The following PLCXD3 variants were observed in gnomAD, a reference collection of about 807,000 sequenced individuals.
The protein encoded by PLCXD3 is PI-PLC X domain-containing protein 3.
In PLCXD3, 19 loss-of-function variants were observed where a neutral mutation model predicts 25.5. The observed-to-expected ratio is 0.75, with a 90% CI of 0.52 to 1.09. The LOEUF is 1.09. Ranked by LOEUF, PLCXD3 falls within the 50% of genes least tolerant of loss-of-function variation. The pLI is 0.00. For missense variants in PLCXD3, 411 were observed against 388.1 expected, an observed-to-expected ratio of 1.06 and a Z score of -0.50; for synonymous variants, 174 against 137.6, an observed-to-expected ratio of 1.26 and a Z score of -1.85.
chr5:41,436,940 C>T (rs1747268580), intron 1 of PLCXD3, among the ~76,000 whole-genome samples: 1 of 151,940 alleles, frequency 6.6e-6, no homozygotes. Flanking sequence ...ATGAAAGTAC[C>T]CCCTTCATTC....
chr5:41,427,535 T>C (rs1485395458), intron 1 of PLCXD3, among the ~76,000 whole-genome samples: 1 of 152,226 alleles, frequency 6.6e-6, no homozygotes, highest in East Asian at 1.9e-4. Flanking sequence ...TATGTGAATG[T>C]CTGTATTAGA....
Position 41,510,586 on chromosome 5 carries a change from CTG to C in PLCXD3, c.-62_-61del. ...ACTCCTCGGGCAGGCTGGCAGGCTG[CTG>C]CCGCTAATCCAATGTTTGCTCTAGC... On this transcript the variant is annotated 5_prime_UTR_variant, in exon 1 of 3. Transcript: ENST00000377801. 4 of 1,359,076 alleles carry C rather than the reference CTG, an allele frequency of 2.9e-6. No individual in the cohort carries two copies. The highest frequency in any genetic ancestry group is 4.2e-6 in the Non-Finnish European group (4 of 963,430). 84.2% of individuals were successfully genotyped at this position (1,359,076 alleles called of 1,614,324 possible).
At chr5:41,349,875 A>C (rs1042462998) in intron 2 of PLCXD3, among the ~76,000 whole-genome samples, 1 of 152,002 alleles carries the variant, frequency 6.6e-6, no homozygotes, top group Admixed American at 6.6e-5. Flanking sequence ...CTGTACCCAT[A>C]AATTCCCAAA....
intron 1 of PLCXD3, among the ~76,000 whole-genome samples, chr5:41,494,904 G>A (rs1748801361): frequency 6.6e-6 from 1 of 152,206 alleles, no homozygotes; most frequent in African/African-American, 2.4e-5. Context: ...CCTTACGGAA[G>A]CATGTAGTGA....
chr5:41,309,753 G>T lies in PLCXD3; in HGVS notation c.*3864C>A, dbSNP rs904718345. 3 of 152,102 alleles carry T rather than the reference G, an allele frequency of 2.0e-5. No homozygotes were observed. Among genetic ancestry groups the T allele is most frequent in the Non-Finnish European group, 2.9e-5 (2 of 67,998 alleles). 9.4% of individuals were successfully genotyped at this position (152,102 alleles called of 1,614,324 possible). On this transcript the variant is annotated 3_prime_UTR_variant, in exon 3 of 3. Coordinates refer to ENST00000377801, the MANE Select transcript of PLCXD3 (RefSeq NM_001005473.3). Reference sequence around the variant, plus strand: ...GTAATTTATATTCTAGTCCATTATGGATTCTCTAATTTGAAGTGAAATTGA... The same window carrying T: ...GTAATTTATATTCTAGTCCATTATGTATTCTCTAATTTGAAGTGAAATTGA...
intron 1 of PLCXD3, among the ~76,000 whole-genome samples, chr5:41,464,558 G>A (rs1287305995): frequency 6.6e-6 from 1 of 152,008 alleles, no homozygotes; most frequent in African/African-American, 2.4e-5. Context: ...TTCTGCACAT[G>A]TATCCCAGAA....
At chr5:41,487,910 T>A (rs560467284) in intron 1 of PLCXD3, among the ~76,000 whole-genome samples, 1 of 152,254 alleles carries the variant, frequency 6.6e-6, no homozygotes, top group South Asian at 2.1e-4. Flanking sequence ...TATTTTATTT[T>A]ATTTTTTAAT....
chr5:41,452,304 T>G (rs1262828089), intron 1 of PLCXD3, among the ~76,000 whole-genome samples: 1 of 152,070 alleles, frequency 6.6e-6, no homozygotes, highest in Non-Finnish European at 1.5e-5. Context: ...GGGAACTGAT[T>G]CAAGAAAAAT....
At chr5:41,440,378 G>A (rs1747357917) in intron 1 of PLCXD3, among the ~76,000 whole-genome samples, 2 of 151,152 alleles carry the variant, frequency 1.3e-5, no homozygotes, top group Admixed American at 6.6e-5. Flanking sequence ...GATTACAGGT[G>A]CCTGCCTCCA....
At chr5:41,448,180 AT>A (rs1747548958) in intron 1 of PLCXD3, among the ~76,000 whole-genome samples, 2 of 152,292 alleles carry the variant, frequency 1.3e-5, no homozygotes, top group Admixed American at 1.3e-4. Flanking sequence ...ATCTGACAAG[AT>A]GCTCTTGACT....
At chr5:41,346,340 T>G (rs1580314908) in intron 2 of PLCXD3, among the ~76,000 whole-genome samples, 1 of 152,302 alleles carries the variant, frequency 6.6e-6, no homozygotes, top group East Asian at 1.9e-4. Flanking sequence ...TAATATAGTA[T>G]TATTAACTGA....
At chr5:41,469,249 C>A (rs1748096538) in intron 1 of PLCXD3, among the ~76,000 whole-genome samples, 1 of 152,020 alleles carries the variant, frequency 6.6e-6, no homozygotes, top group African/African-American at 2.4e-5. Context: ...ATGAATCATT[C>A]TTTTAATGTA....
At chr5:41,397,623 C>T (rs1249091062) in intron 1 of PLCXD3, among the ~76,000 whole-genome samples, 1 of 152,188 alleles carries the variant, frequency 6.6e-6, no homozygotes, top group Non-Finnish European at 1.5e-5. Flanking sequence ...AGAAGAGAGA[C>T]ACAATCCTCC....
intron 1 of PLCXD3, among the ~76,000 whole-genome samples, chr5:41,405,716 C>T (rs1580355484): frequency 6.6e-6 from 1 of 152,108 alleles, no homozygotes; most frequent in Non-Finnish European, 1.5e-5. Flanking sequence ...AGAACTACAT[C>T]CACTAATAAC....
chr5:41,450,586 C>A (rs1228662699), intron 1 of PLCXD3, among the ~76,000 whole-genome samples: 2 of 152,040 alleles, frequency 1.3e-5, no homozygotes, highest in Non-Finnish European at 2.9e-5. Context: ...GAATTTAGGT[C>A]TCTCTAGTAG....
rs891347678 is a variant in PLCXD3, at chr5:41,312,716, C to A, written c.*901G>T. ...TCCTTCCTTCCTTCCTTCCTTCCTTCCTTCCTTCCTTCCTTCCTTCTGTCT... is the reference window on the plus strand; with the variant it reads ...TCCTTCCTTCCTTCCTTCCTTCCTTACTTCCTTCCTTCCTTCCTTCTGTCT... On this transcript the variant is annotated 3_prime_UTR_variant, in exon 3 of 3. Transcript: ENST00000377801. 1 of 147,362 alleles carries A rather than the reference C, an allele frequency of 6.8e-6. No homozygotes were observed. Among genetic ancestry groups the A allele is most frequent in the African/African-American group, 2.5e-5 (1 of 39,946 alleles). 9.1% of individuals were successfully genotyped at this position (147,362 alleles called of 1,614,324 possible). A position where few individuals can be genotyped will look rare whatever the true frequency, so the allele number is the denominator to read the frequency against.
chr5:41,404,819 A>G lies in PLCXD3; in HGVS notation c.104-22285T>C, dbSNP rs374501991. ...ACATCAAAGAAAATGTATCAAGTCA[A>G]TTTCATCTGTGACCCTTCAGACCAA... is the stretch of plus-strand genomic sequence containing the variant. On this transcript the variant is annotated intron_variant, in intron 1 of 2. Coordinates refer to ENST00000377801, the MANE Select transcript of PLCXD3 (RefSeq NM_001005473.3). Among the ~76,000 whole-genome samples the G allele has an allele frequency of 6.6e-5, 10 of 152,264 alleles. No individual in the cohort carries two copies. In the East Asian group the frequency reaches 1.9e-3, roughly 29 times the overall value.
At chr5:41,367,832 G>A (rs1007345826) in intron 2 of PLCXD3, among the ~76,000 whole-genome samples, 5 of 152,224 alleles carry the variant, frequency 3.3e-5, no homozygotes, top group Non-Finnish European at 7.4e-5. Context: ...CGTAAAGAAG[G>A]GGTGTAGTTT....
intron 2 of PLCXD3, among the ~76,000 whole-genome samples, chr5:41,335,848 A>G (rs983348408): frequency 2.0e-5 from 3 of 152,126 alleles, no homozygotes; most frequent in Admixed American, 6.6e-5. Flanking sequence ...ATAGCCTTGC[A>G]TGGAAACATA....
Sources: gnomAD v4.1 joint callset for allele counts (sites outside exome capture counted in the v4.1 genomes callset) on GRCh38, gnomAD v4.1.1 for gene constraint, MANE v1.5 for transcripts, NCBI Gene and HGNC (gene_info 2026-07-23, HGNC 2026-07-21) for gene names.